The following CNTN1 variants were observed in gnomAD, a reference collection of about 807,000 sequenced individuals.
The protein encoded by CNTN1 is contactin 1.
Under a neutral mutation model 126.4 loss-of-function variants are expected in CNTN1, and 38 were observed. The observed-to-expected ratio is 0.30, with a 90% confidence interval of 0.23 to 0.39. The LOEUF is 0.39. Ranked by LOEUF, CNTN1 falls within the 10% of genes least tolerant of loss-of-function variation. The pLI is 1.00. For missense variants in CNTN1, 1,009 were observed against 1,248.4 expected, an observed-to-expected ratio of 0.81 and a Z score of 2.89; for synonymous variants, 413 against 422.6, an observed-to-expected ratio of 0.98 and a Z score of 0.28.
chr12:40,962,236 C>T (rs1470435792), intron 15 of CNTN1, among the ~76,000 whole-genome samples: 2 of 151,946 alleles, frequency 1.3e-5, no homozygotes, highest in African/African-American at 4.8e-5. Flanking sequence ...AGTGTTGCTG[C>T]CCTAATCAAC....
At chr12:40,981,784 C>T (rs2120383442) in intron 16 of CNTN1, among the ~76,000 whole-genome samples, 1 of 152,046 alleles carries the variant, frequency 6.6e-6, no homozygotes, top group South Asian at 2.1e-4. Context: ...ACCTGTTTAT[C>T]TTTGTAACTT....
intron 17 of CNTN1, among the ~76,000 whole-genome samples, chr12:40,999,243 G>A (rs766799754): frequency 1.3e-5 from 2 of 151,998 alleles, no homozygotes; most frequent in African/African-American, 2.4e-5. Flanking sequence ...TAAGACAAAA[G>A]GACAAGTTAA....
intron 1 of CNTN1, among the ~76,000 whole-genome samples, chr12:40,853,389 C>G (rs947793852): frequency 2.0e-5 from 3 of 151,994 alleles, no homozygotes; most frequent in Non-Finnish European, 4.4e-5. Context: ...AACAGGAGAC[C>G]AAGACTGGAT....
rs77673989 is a variant in CNTN1 at position 41,037,885 on chromosome 12, T to C, written c.2980+8666T>C. On this transcript the variant is annotated intron_variant, in intron 23 of 23. Coordinates refer to ENST00000551295, the MANE Select transcript of CNTN1 (RefSeq NM_001843.4). The stretch of plus-strand genomic sequence containing the variant: ...TTAAATTATGTTTTTAGGCCAGACA[T>C]GGTGGCTCATGCCTATAGTCCCAGC... Among the ~76,000 whole-genome samples, 468 of 152,180 alleles carry C rather than the reference T, an allele frequency of 3.1e-3. 2 individuals carry two copies. The highest frequency in any genetic ancestry group is 0.011 in the African/African-American group (457 of 41,548).
intron 1 of CNTN1, among the ~76,000 whole-genome samples, chr12:40,893,737 T>G (rs1277669034): frequency 6.6e-6 from 1 of 152,104 alleles, no homozygotes; most frequent in Non-Finnish European, 1.5e-5. Context: ...TTTTGTTCAT[T>G]GCATAAAACA....
intron 14 of CNTN1, among the ~76,000 whole-genome samples, chr12:40,955,057 G>A (rs1435828260): frequency 6.6e-6 from 1 of 151,932 alleles, no homozygotes; most frequent in African/African-American, 2.4e-5. Context: ...GCATGACCAG[G>A]CCCTTCTCTA....
Position 41,022,112 on chromosome 12 carries a change from C to T in CNTN1, c.2523+1672C>T, listed in dbSNP as rs117920467. Among the ~76,000 whole-genome samples, 50 of 151,918 alleles carry T rather than the reference C, an allele frequency of 3.3e-4. No individual in the cohort carries two copies. The East Asian group carries it at 6.6e-3, about 20-fold the overall frequency. On this transcript the variant is annotated intron_variant, in intron 20 of 23. Coordinates refer to ENST00000551295, the MANE Select transcript of CNTN1 (RefSeq NM_001843.4). ...GTTAATGCCAAGAATTATATATTGA[C>T]GATTTGCTTACTTTTAACAAGAAGA...
chr12:41,045,604 G>C (rs554083161), intron 23 of CNTN1, among the ~76,000 whole-genome samples: 12 of 152,144 alleles, frequency 7.9e-5, no homozygotes, highest in Non-Finnish European at 1.5e-4. Flanking sequence ...TGGTCCATTC[G>C]ATACTACATT....
chr12:40,839,702 C>A (rs898621722), intron 1 of CNTN1, among the ~76,000 whole-genome samples: 3 of 152,180 alleles, frequency 2.0e-5, no homozygotes, highest in African/African-American at 7.2e-5. Flanking sequence ...GAAATAAAGT[C>A]TTTCCTAGTC....
intron 15 of CNTN1, among the ~76,000 whole-genome samples, chr12:40,961,430 T>C (rs1364210756): frequency 6.6e-6 from 1 of 152,024 alleles, no homozygotes; most frequent in African/African-American, 2.4e-5. Context: ...GTTGTTTTTA[T>C]TTTTTAATAA....
intron 1 of CNTN1, among the ~76,000 whole-genome samples, chr12:40,857,477 A>T (rs1942953450): frequency 6.6e-6 from 1 of 152,062 alleles, no homozygotes; most frequent in East Asian, 1.9e-4. Flanking sequence ...TGACAGAGAA[A>T]GCAGCCTGGG....
At chr12:40,705,315 C>A (rs1284902948) in intron 1 of CNTN1, among the ~76,000 whole-genome samples, 1 of 152,146 alleles carries the variant, frequency 6.6e-6, no homozygotes, top group Non-Finnish European at 1.5e-5. Context: ...CTATTTGAAT[C>A]CTGATGAATT....
At chr12:40,952,957 A>T (rs972787146) in intron 14 of CNTN1, among the ~76,000 whole-genome samples, 1 of 152,148 alleles carries the variant, frequency 6.6e-6, no homozygotes, top group Non-Finnish European at 1.5e-5. Context: ...ACTTGAATGG[A>T]ACAAATTATT....
intron 1 of CNTN1, among the ~76,000 whole-genome samples, chr12:40,868,994 C>T (rs1161521798): frequency 6.6e-6 from 1 of 151,518 alleles, no homozygotes; most frequent in East Asian, 1.9e-4. Context: ...TGTCATTATT[C>T]ATTTCAGATT....
intron 1 of CNTN1, among the ~76,000 whole-genome samples, chr12:40,857,947 G>C (rs1056858274): frequency 1.8e-4 from 27 of 152,130 alleles, no homozygotes; most frequent in African/African-American, 6.3e-4. Context: ...TTTAGCAACT[G>C]TTAAAACATA....
chr12:40,806,578 T>C (rs886547386), intron 1 of CNTN1, among the ~76,000 whole-genome samples: 1 of 152,134 alleles, frequency 6.6e-6, no homozygotes, highest in Non-Finnish European at 1.5e-5. Flanking sequence ...CTGGTCTCCT[T>C]CCCTAACGCC....
At chr12:40,894,520 T>C (rs1416645025) in intron 1 of CNTN1, among the ~76,000 whole-genome samples, 3 of 152,184 alleles carry the variant, frequency 2.0e-5, no homozygotes, top group African/African-American at 7.2e-5. Context: ...TTCTGTTCAA[T>C]TTTCTTTAAG....
At chr12:41,011,331 G>T (rs1335811510) in intron 17 of CNTN1, among the ~76,000 whole-genome samples, 1 of 152,146 alleles carries the variant, frequency 6.6e-6, no homozygotes. Flanking sequence ...TTGTGCAAAA[G>T]AAAATGAGCC....
At chr12:40,883,394 T>C (rs965358119) in intron 1 of CNTN1, among the ~76,000 whole-genome samples, 3 of 151,554 alleles carry the variant, frequency 2.0e-5, no homozygotes, top group Non-Finnish European at 3.0e-5. Flanking sequence ...AATGTATTTC[T>C]CCAAACTTAA....
Sources: gnomAD v4.1 joint callset for allele counts (sites outside exome capture counted in the v4.1 genomes callset) on GRCh38, gnomAD v4.1.1 for gene constraint, MANE v1.5 for transcripts, NCBI Gene and HGNC (gene_info 2026-07-23, HGNC 2026-07-21) for gene names.